Variants in C2orf76 observed in about 807,000 individuals in gnomAD.
C2orf76 encodes UPF0538 protein C2orf76.
A neutral mutation model predicts 16.9 loss-of-function variants in C2orf76; 23 were observed. That is an observed-to-expected ratio of 1.36 (90% CI 0.98 to 1.93). The LOEUF (loss-of-function observed/expected upper bound fraction) is 1.93, where lower values mean the gene tolerates loss of function less well. C2orf76 is among the 30% of genes most tolerant of loss of function. The pLI is 0.00. For synonymous variants in C2orf76, 48 were observed against 52.3 expected (o/e 0.92, Z 0.35); for missense variants, 152 against 152.6 (o/e 1.00, Z 0.02).
Position 119,317,515 on chromosome 2 carries a change from A to G in C2orf76, c.185-12T>C, listed in dbSNP as rs1679210006. The G allele has an allele frequency of 6.3e-7, 1 of 1,599,916 alleles. No individual in the cohort carries two copies. The highest frequency in any genetic ancestry group is 8.5e-7 in the Non-Finnish European group (1 of 1,170,172). On this transcript the variant is annotated splice_polypyrimidine_tract_variant and intron_variant, in intron 3 of 5. Coordinates refer to ENST00000334816, the MANE Select transcript of C2orf76 (RefSeq NM_001322331.2). ...AATCTTTAGTGCATCTGAAAGAAAA[A>G]AGCAAGTTATCTTTTTACACAGTTT...
intron 1 of C2orf76, among the ~76,000 whole-genome samples, chr2:119,343,580 G>T (rs898350257): frequency 6.6e-6 from 1 of 151,852 alleles, no homozygotes; most frequent in Non-Finnish European, 1.5e-5. Flanking sequence ...TTAACTTAAA[G>T]ATCAACTCTG....
the C2orf76 span, among the ~76,000 whole-genome samples, chr2:119,291,137 T>C: frequency 6.6e-6 from 1 of 151,998 alleles, no homozygotes; most frequent in Non-Finnish European, 1.5e-5. Flanking sequence ...CTTCTCCGCG[T>C]AACGAGGCTC....
At chr2:119,311,308 T>G in intron 5 of C2orf76, 1 of 985,438 alleles carries the variant, frequency 1.0e-6, no homozygotes, top group Non-Finnish European at 1.2e-6. Flanking sequence ...TCGGCTCAAG[T>G]GACAATGATA....
intron 1 of C2orf76, among the ~76,000 whole-genome samples, chr2:119,352,495 G>A (rs375590106): frequency 2.0e-5 from 3 of 152,174 alleles, no homozygotes; most frequent in South Asian, 2.1e-4. Flanking sequence ...GCCAATCACA[G>A]CAGCCAAACT....
At chr2:119,282,124 C>A in the C2orf76 span, among the ~76,000 whole-genome samples, 1 of 150,748 alleles carries the variant, frequency 6.6e-6, no homozygotes, top group Admixed American at 6.6e-5. Context: ...CCAGCCTGGG[C>A]AACAGAGCCA....
chr2:119,329,230 G>A (rs144191814), intron 2 of C2orf76, among the ~76,000 whole-genome samples: 37 of 152,180 alleles, frequency 2.4e-4, no homozygotes, highest in African/African-American at 8.2e-4. Flanking sequence ...TAGGTGCATC[G>A]TTATGTCCTC....
At chr2:119,333,784 A>G (rs1388461723) in intron 2 of C2orf76, among the ~76,000 whole-genome samples, 3 of 152,258 alleles carry the variant, frequency 2.0e-5, no homozygotes, top group Non-Finnish European at 4.4e-5. Flanking sequence ...AGACAAATGT[A>G]AATTATGTAA....
chr2:119,354,652 A>C (rs1171806963), intron 1 of C2orf76, among the ~76,000 whole-genome samples: 1 of 152,242 alleles, frequency 6.6e-6, no homozygotes, highest in Non-Finnish European at 1.5e-5. Flanking sequence ...TGAAAGCACC[A>C]TTATTCTAGA....
chr2:119,283,710 A>G, the C2orf76 span, among the ~76,000 whole-genome samples: 1 of 151,946 alleles, frequency 6.6e-6, no homozygotes, highest in Non-Finnish European at 1.5e-5. Context: ...CCTGACCTCA[A>G]ATGATCCAAC....
intron 1 of C2orf76, among the ~76,000 whole-genome samples, chr2:119,350,064 A>ACCC (rs1680337722): frequency 2.5e-5 from 1 of 40,334 alleles, no homozygotes; most frequent in Non-Finnish European, 4.9e-5. Context: ...CGCCCCGCCC[A>ACCC]CACCGCCCCC....
At chr2:119,346,009 C>G (rs1219346861) in intron 1 of C2orf76, among the ~76,000 whole-genome samples, 1 of 137,900 alleles carries the variant, frequency 7.3e-6, no homozygotes, top group Admixed American at 8.2e-5. Context: ...GAGCAGAGAT[C>G]GTGCCACTGC....
intron 1 of C2orf76, 163 bp from the exon 2 acceptor site, chr2:119,340,134 G>A (rs2104604657): frequency 1.5e-6 from 1 of 676,446 alleles, no homozygotes; most frequent in Non-Finnish European, 2.4e-6. Flanking sequence ...AGAGTCCCCA[G>A]AAGGGTCCCA....
At chr2:119,286,704 G>A in the C2orf76 span, among the ~76,000 whole-genome samples, 2 of 152,140 alleles carry the variant, frequency 1.3e-5, no homozygotes, top group Non-Finnish European at 2.9e-5. Flanking sequence ...GATCACTCTG[G>A]CAGCGGCATG....
chr2:119,328,624 A>G (rs1473531659), intron 2 of C2orf76, among the ~76,000 whole-genome samples: 1 of 151,822 alleles, frequency 6.6e-6, no homozygotes, highest in Non-Finnish European at 1.5e-5. Flanking sequence ...TATTTCTTTT[A>G]TTCTGATTAT....
intron 4 of C2orf76, among the ~76,000 whole-genome samples, chr2:119,312,410 G>C (rs766870142): frequency 1.3e-5 from 2 of 152,018 alleles, no homozygotes; most frequent in African/African-American, 2.4e-5. Flanking sequence ...CGCCAAGCCT[G>C]GCTAATTTTT....
At chr2:119,356,383 C>T (rs568742273) in intron 1 of C2orf76, among the ~76,000 whole-genome samples, 4 of 134,120 alleles carry the variant, frequency 3.0e-5, no homozygotes, top group African/African-American at 8.4e-5. Context: ...GGTGACAGAG[C>T]GAGACTCTGT....
At chr2:119,291,191 C>T in the C2orf76 span, among the ~76,000 whole-genome samples, 2 of 151,946 alleles carry the variant, frequency 1.3e-5, no homozygotes, top group Non-Finnish European at 2.9e-5. Context: ...AGAAGCTGCT[C>T]GGCAAGATGT....
At chr2:119,289,238 G>A in the C2orf76 span, among the ~76,000 whole-genome samples, 14 of 152,046 alleles carry the variant, frequency 9.2e-5, no homozygotes, top group African/African-American at 3.1e-4. Flanking sequence ...GAGGTCTCAT[G>A]CAGCCAGAAG....
At chr2:119,327,514 C>T (rs1417619207) in intron 2 of C2orf76, among the ~76,000 whole-genome samples, 1 of 151,970 alleles carries the variant, frequency 6.6e-6, no homozygotes, top group Non-Finnish European at 1.5e-5. Flanking sequence ...GGGTAGATCC[C>T]TCACAAATGG....
Sources: gnomAD v4.1 joint callset for allele counts (sites outside exome capture counted in the v4.1 genomes callset) on GRCh38, gnomAD v4.1.1 for gene constraint, MANE v1.5 for transcripts, NCBI Gene and HGNC (gene_info 2026-07-23, HGNC 2026-07-21) for gene names.